The following MPPED2 variants were observed in gnomAD, a reference collection of about 807,000 sequenced individuals.
MPPED2 encodes metallophosphoesterase domain containing 2, also known as metallophosphoesterase MPPED2.
A neutral mutation model predicts 33.0 loss-of-function variants in MPPED2; 5 were observed. That is an observed-to-expected ratio of 0.15 (90% CI 0.08 to 0.32). MPPED2 has a LOEUF of 0.32. MPPED2 is among the 10% of genes least tolerant of loss of function. The pLI, the probability that MPPED2 is intolerant of heterozygous loss-of-function variation, is 1.00. For missense variants in MPPED2, 275 were observed against 372.1 expected, an observed-to-expected ratio of 0.74 and a Z score of 2.15; for synonymous variants, 136 against 141.9, an observed-to-expected ratio of 0.96 and a Z score of 0.29.
At chr11:30,451,288 T>C (rs561541308) in intron 4 of MPPED2, among the ~76,000 whole-genome samples, 1 of 152,330 alleles carries the variant, frequency 6.6e-6, no homozygotes, top group East Asian at 1.9e-4. Context: ...TTTAGCTGCT[T>C]TTGTTACATT....
intron 6 of MPPED2, among the ~76,000 whole-genome samples, chr11:30,390,534 T>A (rs1192655950): frequency 6.6e-6 from 1 of 152,198 alleles, no homozygotes. Flanking sequence ...GGAGAATATA[T>A]CACTGCCATT....
intron 3 of MPPED2, among the ~76,000 whole-genome samples, chr11:30,509,176 CA>C (rs1232003089): frequency 1.3e-5 from 2 of 152,052 alleles, no homozygotes; most frequent in Admixed American, 1.3e-4. Context: ...ATCTGTTATA[CA>C]GGGGCTTTTT....
intron 3 of MPPED2, among the ~76,000 whole-genome samples, chr11:30,509,365 T>C (rs1953014426): frequency 6.6e-6 from 1 of 152,218 alleles, no homozygotes; most frequent in Non-Finnish European, 1.5e-5. Context: ...GTTGACACTA[T>C]GCACTTAAAG....
chr11:30,474,174 A>AT (rs1200110626), intron 4 of MPPED2, among the ~76,000 whole-genome samples: 4 of 152,200 alleles, frequency 2.6e-5, no homozygotes, highest in African/African-American at 9.6e-5. Context: ...TTAAGAAGGC[A>AT]TTTACCATTC....
At chr11:30,532,628 G>A in intron 3 of MPPED2, among the ~76,000 whole-genome samples, 1 of 152,180 alleles carries the variant, frequency 6.6e-6, no homozygotes, top group East Asian at 1.9e-4. Flanking sequence ...TTTTGGAAAT[G>A]AGCAAATCAA....
chr11:30,550,970 T>C (rs1955682759), intron 2 of MPPED2, among the ~76,000 whole-genome samples: 1 of 152,214 alleles, frequency 6.6e-6, no homozygotes, highest in Non-Finnish European at 1.5e-5. Context: ...TTCCCTTCCA[T>C]CTTTATCATG....
At chr11:30,452,031 C>T in intron 4 of MPPED2, 1 of 985,406 alleles carries the variant, frequency 1.0e-6, no homozygotes. Context: ...CTCATTTTGC[C>T]CTTTTTGTTC....
intron 2 of MPPED2, among the ~76,000 whole-genome samples, chr11:30,537,234 T>A (rs2134495761): frequency 6.6e-6 from 1 of 152,366 alleles, no homozygotes; most frequent in Middle Eastern, 3.4e-3. Flanking sequence ...TCCTTTAATT[T>A]CTCTGTAGGA....
intron 4 of MPPED2, among the ~76,000 whole-genome samples, chr11:30,452,994 CTGA>C (rs2133958424): frequency 6.6e-6 from 1 of 152,282 alleles, no homozygotes; most frequent in East Asian, 1.9e-4. Context: ...ATGTGACTTC[CTGA>C]TGAAGTTAGC....
intron 2 of MPPED2, among the ~76,000 whole-genome samples, chr11:30,559,749 C>A (rs979993504): frequency 6.6e-6 from 1 of 152,002 alleles, no homozygotes; most frequent in Non-Finnish European, 1.5e-5. Flanking sequence ...AAATTTAATA[C>A]CTCTCCAAAT....
chr11:30,521,079 T>A (rs1174546809), intron 3 of MPPED2, among the ~76,000 whole-genome samples: 1 of 152,178 alleles, frequency 6.6e-6, no homozygotes, highest in East Asian at 1.9e-4. Context: ...GTAATAGTAA[T>A]AATAGTACTG....
intron 3 of MPPED2, among the ~76,000 whole-genome samples, chr11:30,506,282 C>T (rs1040633743): frequency 2.0e-5 from 3 of 151,982 alleles, no homozygotes; most frequent in African/African-American, 7.2e-5. Context: ...CAGCTGATCC[C>T]CTCAGCCCGC....
At chr11:30,537,385 A>T (rs1954867838) in intron 2 of MPPED2, among the ~76,000 whole-genome samples, 1 of 152,142 alleles carries the variant, frequency 6.6e-6, no homozygotes, top group Non-Finnish European at 1.5e-5. Flanking sequence ...CCCAGCCCCA[A>T]CCCTTGATAG....
In MPPED2 at chr11:30,555,804, A is replaced by C. The variant is rs143885581; in HGVS notation, c.129-19629T>G. 9.2e-3 allele frequency among the ~76,000 whole-genome samples: 1,395 copies of C among 152,282 alleles called. 27 individuals are homozygous for C. The highest frequency in any genetic ancestry group is 0.05 in the Admixed American group (769 of 15,296). ...AGCAGTATGAAAATGGACTAATACA[A>C]TGAGTATGTCTATGAACCAATGAAA... On this transcript the variant is annotated intron_variant, in intron 2 of 6. Transcript: ENST00000358117.
chr11:30,541,223 C>T (rs1260560642), intron 2 of MPPED2, among the ~76,000 whole-genome samples: 1 of 152,174 alleles, frequency 6.6e-6, no homozygotes, highest in East Asian at 1.9e-4. Flanking sequence ...CATATTCAAA[C>T]AAATAAACCA....
chr11:30,408,180 C>T (rs1948019588), downstream of MPPED2, among the ~76,000 whole-genome samples: 2 of 152,226 alleles, frequency 1.3e-5, no homozygotes, highest in South Asian at 4.1e-4. Flanking sequence ...AGGGTCAGTG[C>T]TCTTATCCCC....
At chr11:30,398,801 G>A (rs557374756) in intron 6 of MPPED2, among the ~76,000 whole-genome samples, 1 of 152,226 alleles carries the variant, frequency 6.6e-6, no homozygotes, top group East Asian at 1.9e-4. Context: ...AGCATGAAAT[G>A]GTATGTATCA....
intron 3 of MPPED2, among the ~76,000 whole-genome samples, chr11:30,523,832 G>A (rs2134394994): frequency 6.6e-6 from 1 of 152,162 alleles, no homozygotes; most frequent in South Asian, 2.1e-4. Flanking sequence ...GCAGAAAGAG[G>A]TAAAATAAGA....
intron 2 of MPPED2, among the ~76,000 whole-genome samples, chr11:30,557,529 T>A (rs1165471541): frequency 1.3e-5 from 2 of 152,192 alleles, no homozygotes; most frequent in African/African-American, 4.8e-5. Context: ...ATATTCTTTC[T>A]AGTTATGAGA....
Sources: allele counts gnomAD v4.1 joint callset (sites outside exome capture counted in the v4.1 genomes callset), GRCh38; gene constraint gnomAD v4.1.1; transcripts MANE v1.5; gene names NCBI Gene and HGNC (gene_info 2026-07-23, HGNC 2026-07-21).